BRWD3: variants seen among roughly 807,000 people sequenced by gnomAD.
BRWD3 encodes bromodomain and WD repeat-containing protein 3.
In BRWD3, 10 loss-of-function variants were observed where a neutral mutation model predicts 149.7. The ratio of observed to expected loss-of-function variants is 0.07; its 90% CI spans 0.04 to 0.11. The LOEUF (loss-of-function observed/expected upper bound fraction) is 0.11, where lower values mean the gene tolerates loss of function less well. BRWD3 is among the 10% of genes least tolerant of loss of function. The probability of loss-of-function intolerance (pLI) is 1.00; values close to 1 mark genes in which losing one functional copy is unlikely to be tolerated. For missense variants in BRWD3, 940 were observed against 1,373.2 expected, an observed-to-expected ratio of 0.68 and a Z score of 4.99; for synonymous variants, 504 against 456.7, an observed-to-expected ratio of 1.10 and a Z score of -1.32.
At chrX:80,789,619 A>C (rs2074156400) in intron 6 of BRWD3, among the ~76,000 whole-genome samples, 1 of 109,632 alleles carries the variant, frequency 9.1e-6, no homozygotes, top group South Asian at 4.0e-4. Context: ...CTCGTGATCC[A>C]CCCACCTCGG....
At chrX:80,711,579 CTTTTA>C (rs1033977330) in intron 20 of BRWD3, among the ~76,000 whole-genome samples, 11 of 111,828 alleles carry the variant, frequency 9.8e-5, no homozygotes, top group Non-Finnish European at 1.7e-4. Flanking sequence ...AAGTCTGGCA[CTTTTA>C]TTTAAGTCTG....
In BRWD3 at chrX:80,784,500, T is replaced by C. The variant is rs757072732; in HGVS notation, c.430+7354A>G. On this transcript the variant is annotated intron_variant, in intron 6 of 40. Coordinates refer to ENST00000373275, the MANE Select transcript of BRWD3 (RefSeq NM_153252.5). ...CTTAACCCGTCACCTAGGTATTGAG[T>C]CCCACATGCATTAGCTATTTCTCCT... Among the ~76,000 whole-genome samples the C allele has an allele frequency of 8.1e-5, 9 of 111,305 alleles. No individual in the cohort carries two copies. In the East Asian group the frequency reaches 2.5e-3, roughly 31 times the overall value.
chrX:80,757,170 C>T (rs1264887480), intron 6 of BRWD3, among the ~76,000 whole-genome samples: 1 of 111,741 alleles, frequency 8.9e-6, no homozygotes, highest in Non-Finnish European at 1.9e-5. Flanking sequence ...TGATTAGTAA[C>T]TTAATTATTT....
At chrX:80,804,765 C>T (rs938688584) in intron 4 of BRWD3, among the ~76,000 whole-genome samples, 7 of 111,642 alleles carry the variant, frequency 6.3e-5, no homozygotes, top group Non-Finnish European at 1.3e-4. Context: ...AATGAAAGGA[C>T]ATCTGTATTA....
chrX:80,671,982 T>C lies in BRWD3; in HGVS notation c.*4627A>G. The C allele has an allele frequency of 8.9e-6, 1 of 112,061 alleles. No individual in the cohort carries two copies. The highest frequency in any genetic ancestry group is 1.9e-5 in the Non-Finnish European group (1 of 53,212). 9.2% of individuals were successfully genotyped at this position (112,061 alleles called of 1,213,427 possible). ...CAAAAACACATTTCCCAACTGGATT[T>C]CTAAATATTTTTGCATATCATTTTA... On this transcript the variant is annotated 3_prime_UTR_variant, in exon 41 of 41. Coordinates refer to ENST00000373275, the MANE Select transcript of BRWD3 (RefSeq NM_153252.5).
At chrX:80,805,425 C>A (rs2074339802) in intron 4 of BRWD3, among the ~76,000 whole-genome samples, 1 of 111,373 alleles carries the variant, frequency 9.0e-6, no homozygotes, top group Non-Finnish European at 1.9e-5. Context: ...CCCCTATTTA[C>A]TATGTTGATA....
intron 20 of BRWD3, among the ~76,000 whole-genome samples, chrX:80,712,434 G>C (rs2072988434): frequency 9.0e-6 from 1 of 110,978 alleles, no homozygotes; most frequent in Non-Finnish European, 1.9e-5. Context: ...TGCAGACGGA[G>C]TCTCGTTCAC....
Position 80,809,293 on chromosome X carries a change from G to A in BRWD3, c.43C>T (p.Leu15=), listed in dbSNP as rs1458608609. The change falls in exon 2 of 41, where the codon CTG becomes TTG. Residue 15 remains leucine, a synonymous_variant. Transcript: ENST00000373275. ...PTQIEAELYY[L]IARFLQSGPC... Reference sequence around the variant, plus strand: ...CCAGACTGCAAGAACCTAGCGATCAGGTAATACAGCTCTGGGGAAGAGGGG... The same window carrying A: ...CCAGACTGCAAGAACCTAGCGATCAAGTAATACAGCTCTGGGGAAGAGGGG... 2.5e-6 allele frequency: 3 copies of A among 1,193,569 alleles called. No homozygotes were observed. Among genetic ancestry groups the A allele is most frequent in the Non-Finnish European group, 2.3e-6 (2 of 885,651 alleles).
intron 6 of BRWD3, among the ~76,000 whole-genome samples, chrX:80,772,107 C>T (rs2073950720): frequency 8.9e-6 from 1 of 111,861 alleles, no homozygotes; most frequent in African/African-American, 3.3e-5. Flanking sequence ...ACCCAGCAAT[C>T]CCATTACTGG....
intron 6 of BRWD3, among the ~76,000 whole-genome samples, chrX:80,759,103 A>G (rs1235102074): frequency 8.9e-6 from 1 of 111,980 alleles, no homozygotes; most frequent in Non-Finnish European, 1.9e-5. Flanking sequence ...TTCCTTCATC[A>G]GGAAACTACA....
chrX:80,804,338 A>G (rs1012358862), intron 4 of BRWD3, among the ~76,000 whole-genome samples: 2 of 110,205 alleles, frequency 1.8e-5, no homozygotes, highest in African/African-American at 6.6e-5. Flanking sequence ...CCAGGGCTCA[A>G]GCAATTCTCA....
In BRWD3 at chrX:80,696,809, G is replaced by A. The variant is rs745401261; in HGVS notation, c.2998C>T (p.Leu1000=). 1.7e-6 allele frequency: 2 copies of A among 1,208,351 alleles called. No individual in the cohort carries two copies. The highest frequency in any genetic ancestry group is 2.2e-5 in the Admixed American group (1 of 45,972). Residue 1000 remains leucine (L), a synonymous_variant, in exon 26 of 41, where the codon CTG becomes TTG. Transcript: ENST00000373275. ...GIKYEVGPPT[L]CCLKLAFLDP... The stretch of plus-strand genomic sequence containing the variant: ...AGAAATGCAAGCTTCAAGCAGCACA[G>A]TGTGGGTGGGCCAACCTCATATTTG...
chrX:80,779,850 C>T (rs1196160423), intron 6 of BRWD3, among the ~76,000 whole-genome samples: 1 of 111,517 alleles, frequency 9.0e-6, no homozygotes, highest in Non-Finnish European at 1.9e-5. Context: ...AAAGTTGATG[C>T]CAATCACATC....
At chrX:80,752,813 C>T (rs747690896) in intron 6 of BRWD3, among the ~76,000 whole-genome samples, 16 of 110,259 alleles carry the variant, frequency 1.5e-4, no homozygotes, top group African/African-American at 4.6e-4. Flanking sequence ...TACAGGTGCC[C>T]GCCACCACAC....
rs747572830 is a variant in BRWD3, at chrX:80,681,416, A to G, written c.4579T>C (p.Tyr1527His). 4.1e-6 allele frequency: 5 copies of G among 1,209,971 alleles called. No homozygotes were observed. In the Admixed American group the frequency reaches 8.7e-5, roughly 21 times the overall value. ...GPFSSSSFGG[Y>H]SRSGNSHDPG... Reference sequence around the variant, plus strand: ...TCATGGCTATTTCCACTTCGGCTATATCCACCGAAGCTCGATGAAGAAAAT... The same window carrying G: ...TCATGGCTATTTCCACTTCGGCTATGTCCACCGAAGCTCGATGAAGAAAAT... The change falls in exon 40 of 41, where the codon TAT becomes CAT. Residue 1527 changes from tyrosine (Y) to histidine (H), a missense_variant. Around this residue, in one of 6 missense-constraint regions of BRWD3, gnomAD observed 349 missense variants for 419.6 expected, o/e 0.83. Transcript: ENST00000373275.
chrX:80,699,424 C>CAT (rs773158130), intron 25 of BRWD3, among the ~76,000 whole-genome samples: 3 of 110,133 alleles, frequency 2.7e-5, no homozygotes, highest in East Asian at 2.9e-4. Flanking sequence ...TGCATGTGTG[C>CAT]ATATATATAT....
rs1356403743 is a variant in BRWD3 at position 80,677,050 on chromosome X, C to T, written c.4968G>A (p.Lys1656=). 7.4e-6 allele frequency: 9 copies of T among 1,209,375 alleles called. No individual in the cohort carries two copies. The highest frequency in any genetic ancestry group is 3.5e-5 in the African/African-American group (2 of 56,954). Residue 1656 remains lysine, a synonymous_variant, in exon 41 of 41, where the codon AAG becomes AAA. Coordinates refer to ENST00000373275, the MANE Select transcript of BRWD3 (RefSeq NM_153252.5). ...AATTTCTTTTTCCATTGCCATGTTGCTTTCTGAGTTTTCTTTTAGGTCTGG... is the reference window on the plus strand; with the variant it reads ...AATTTCTTTTTCCATTGCCATGTTGTTTTCTGAGTTTTCTTTTAGGTCTGG... The part of the protein sequence containing the change: ...IQTRPKRKLR[K]QHGNGKRNWK...
intron 8 of BRWD3, among the ~76,000 whole-genome samples, chrX:80,739,042 A>C (rs1272187033): frequency 8.9e-6 from 1 of 111,908 alleles, no homozygotes; most frequent in Admixed American, 9.5e-5. Context: ...GAGAGACTAA[A>C]CTGGGTGCAG....
intron 4 of BRWD3, 72 bp downstream of exon 4, chrX:80,808,467 C>T: frequency 1.6e-6 from 1 of 612,714 alleles, no homozygotes; most frequent in Non-Finnish European, 2.3e-6. Flanking sequence ...AGGTGGGGGG[C>T]GGGTTGGGGG....
Sources: allele counts gnomAD v4.1 joint callset (sites outside exome capture counted in the v4.1 genomes callset), GRCh38; gene constraint gnomAD v4.1.1; regional missense constraint gnomAD v4.1.1; transcripts MANE v1.5; gene names NCBI Gene and HGNC (gene_info 2026-07-23, HGNC 2026-07-21).